The following NEDD8 variants were observed in gnomAD, a reference collection of about 807,000 sequenced individuals.
The protein encoded by NEDD8 is ubiquitin-like protein NEDD8.
A neutral mutation model predicts 13.8 loss-of-function variants in NEDD8; 1 was observed. That is an observed-to-expected ratio of 0.07 (90% confidence interval 0.03 to 0.34). The LOEUF is 0.34. Among genes scored for constraint, NEDD8 ranks in the 10% least tolerant of loss-of-function variants. NEDD8 has a pLI of 0.99. For synonymous variants in NEDD8, 31 were observed against 33.2 expected (o/e 0.93, Z 0.23); for missense variants, 10 against 95.2 (o/e 0.10, Z 3.73).
At position 24,232,184 on chromosome 14, in the gene NEDD8, T is replaced by A. The variant is rs2040053910; in HGVS notation, c.18+66A>T. The A allele has an allele frequency of 1.9e-6, 3 of 1,610,382 alleles. No individual in the cohort carries two copies. In the East Asian group the frequency reaches 6.7e-5, roughly 36 times the overall value. On this transcript the variant is annotated intron_variant, in intron 1 of 3. Transcript: ENST00000250495. The stretch of plus-strand genomic sequence containing the variant: ...AAAGGCGTGGTTTTCCTTCCCCACG[T>A]CTCCCGTAAGGCACTGCTGCCAGCC...
At chr14:24,231,857 A>T (rs2040036555) in intron 1 of NEDD8, 1 of 207,138 alleles carries the variant, frequency 4.8e-6, no homozygotes, top group African/African-American at 2.3e-5. Context: ...GGACTGGGAG[A>T]AGCAGGTACC....
rs71426836 is a variant in NEDD8 at position 24,223,085 on chromosome 14, C to CAA, written c.19-4656_19-4655dup. On this transcript the variant is annotated intron_variant, in intron 1 of 3. Transcript: ENST00000250495. ...TGGGCAACAGAGCAAGACTGCATTT[C>CAA]AAAAAAAAAAAAAAAAAAAAAAATA... 6.3e-3 allele frequency among the ~76,000 whole-genome samples: 472 copies of CAA among 75,096 alleles called. 3 individuals carry two copies. Among genetic ancestry groups the CAA allele is most frequent in the Middle Eastern group, 0.021 (2 of 96 alleles). 49.3% of individuals were successfully genotyped at this position (75,096 alleles called of 152,430 possible).
intron 1 of NEDD8, among the ~76,000 whole-genome samples, chr14:24,219,475 C>CAAAAAAAAAAAAAAAAAAAAAA (rs59964484): frequency 6.0e-5 from 2 of 33,368 alleles, no homozygotes; most frequent in Admixed American, 4.1e-4. Context: ...AACACCCTCG[C>CAAAAAAAAAAAAAAAAAAAAAA]AAAAAAAAAA....
chr14:24,231,360 G>A (rs1008829491), intron 1 of NEDD8, among the ~76,000 whole-genome samples: 1 of 152,150 alleles, frequency 6.6e-6, no homozygotes, highest in Non-Finnish European at 1.5e-5. Context: ...GGGAAGAGAA[G>A]GTTAAGAATG....
chr14:24,223,706 G>A (rs1350728323), intron 1 of NEDD8, among the ~76,000 whole-genome samples: 3 of 149,440 alleles, frequency 2.0e-5, no homozygotes, highest in East Asian at 2.0e-4. Flanking sequence ...ACACCACCAT[G>A]CCTGGCTAAT....
At chr14:24,221,520 T>G (rs1393224580) in intron 1 of NEDD8, among the ~76,000 whole-genome samples, 1 of 152,084 alleles carries the variant, frequency 6.6e-6, no homozygotes, top group East Asian at 1.9e-4. Flanking sequence ...CCTCAAGTGA[T>G]CCACCTGCCT....
In NEDD8 at chr14:24,224,858, C is replaced by T. The variant is rs994621450; in HGVS notation, c.19-6427G>A. Reference sequence around the variant, plus strand: ...GGAAATACAGAGGAAAAGAGGAATACGTCAAAAGACAACATGGGAGCCCGT... The same window carrying T: ...GGAAATACAGAGGAAAAGAGGAATATGTCAAAAGACAACATGGGAGCCCGT... On this transcript the variant is annotated intron_variant, in intron 1 of 3. Transcript: ENST00000250495. Among the ~76,000 whole-genome samples, 11 of 152,210 alleles carry T rather than the reference C, an allele frequency of 7.2e-5. No individual in the cohort carries two copies. The East Asian group carries it at 1.7e-3, about 24-fold the overall frequency.
At chr14:24,218,521 A>G (rs768259406) in intron 1 of NEDD8, 90 bp from the exon 2 acceptor site, 1 of 1,574,968 alleles carries the variant, frequency 6.3e-7, no homozygotes, top group African/African-American at 1.3e-5. Flanking sequence ...TTTGGGATCT[A>G]CTGCCTTCTA....
intron 3 of NEDD8, among the ~76,000 whole-genome samples, chr14:24,217,450 CA>C (rs1456442392): frequency 6.6e-6 from 1 of 152,042 alleles, no homozygotes; most frequent in Non-Finnish European, 1.5e-5. Context: ...CCACCACGCC[CA>C]GCTAATTTTT....
At chr14:24,231,860 C>T in intron 1 of NEDD8, 1 of 213,042 alleles carries the variant, frequency 4.7e-6, no homozygotes, top group African/African-American at 2.3e-5. Context: ...CTGGGAGAAG[C>T]AGGTACCCTG....
chr14:24,217,327 T>A, intron 3 of NEDD8, 104 bp from the exon 4 acceptor site: 3 of 954,082 alleles, frequency 3.1e-6, no homozygotes, highest in South Asian at 3.1e-5. Flanking sequence ...TCTCGCTCTG[T>A]CATCTAGGCT....
intron 3 of NEDD8, among the ~76,000 whole-genome samples, chr14:24,217,551 A>C (rs1027717025): frequency 6.6e-6 from 1 of 152,082 alleles, no homozygotes; most frequent in African/African-American, 2.4e-5. Flanking sequence ...CAGCCTCCCA[A>C]AGTGCTGGGA....
At chr14:24,218,050 CT>C (rs1181146234) in intron 3 of NEDD8, 82 bp downstream of exon 3, 11 of 1,570,314 alleles carry the variant, frequency 7.0e-6, no homozygotes, top group Admixed American at 3.4e-5. Flanking sequence ...AGAGGCACCC[CT>C]GATCCACCTC....
chr14:24,227,273 C>T (rs554244366), intron 1 of NEDD8: 1 of 152,234 alleles, frequency 6.6e-6, no homozygotes, highest in South Asian at 2.1e-4. Context: ...AACTGATTCA[C>T]ACAGTAAAGA....
intron 1 of NEDD8, chr14:24,227,567 A>AT: frequency 6.6e-6 from 1 of 152,372 alleles, no homozygotes; most frequent in East Asian, 1.9e-4. Context: ...ATTAGATCTT[A>AT]TAAAAGGACC....
Position 24,231,097 on chromosome 14 carries a change from C to T in NEDD8, c.18+1153G>A, listed in dbSNP as rs777926212. 3.1e-4 allele frequency among the ~76,000 whole-genome samples: 47 copies of T among 151,358 alleles called. 1 individual carries two copies. The highest frequency in any genetic ancestry group is 5.5e-4 in the Non-Finnish European group (37 of 67,840). ...GTACAGGCAGGGTTTCGCCATGTTG[C>T]CCAGGATGGTCTCCAACTCCTGGGC... On this transcript the variant is annotated intron_variant, in intron 1 of 3. Transcript: ENST00000250495.
In NEDD8 at chr14:24,221,569, C is replaced by T. The variant is rs971965346; in HGVS notation, c.19-3138G>A. On this transcript the variant is annotated intron_variant, in intron 1 of 3. Transcript: ENST00000250495. Reference sequence around the variant, plus strand: ...TGCTGGGATTATAGGCATGAGCCACCGTGCCTGGCCGATAATACAAATTTT... The same window carrying T: ...TGCTGGGATTATAGGCATGAGCCACTGTGCCTGGCCGATAATACAAATTTT... Among the ~76,000 whole-genome samples the T allele has an allele frequency of 4.6e-5, 7 of 151,844 alleles. No homozygotes were observed. The East Asian group carries it at 1.2e-3, about 25-fold the overall frequency.
chr14:24,218,716 C>T (rs73604967), intron 1 of NEDD8: 5,355 of 515,292 alleles, frequency 0.01, 238 homozygotes, highest in African/African-American at 0.094. Flanking sequence ...AGAATATTGG[C>T]ATTATTTTAG....
intron 1 of NEDD8, among the ~76,000 whole-genome samples, chr14:24,230,779 G>A (rs1269285437): frequency 1.3e-5 from 2 of 151,634 alleles, no homozygotes; most frequent in Non-Finnish European, 2.9e-5. Context: ...CACCACGCCC[G>A]GCTAGTTTTT....
Sources: gnomAD v4.1 joint callset for allele counts (sites outside exome capture counted in the v4.1 genomes callset) on GRCh38, gnomAD v4.1.1 for gene constraint, MANE v1.5 for transcripts, NCBI Gene and HGNC (gene_info 2026-07-23, HGNC 2026-07-21) for gene names.